Variants in GABRB2 observed in about 807,000 individuals in gnomAD.
GABRB2 encodes gamma-aminobutyric acid type A receptor subunit beta2.
A neutral mutation model predicts 54.7 loss-of-function variants in GABRB2; 16 were observed. The ratio of observed to expected loss-of-function variants is 0.29; its 90% confidence interval spans 0.20 to 0.44. GABRB2 has a LOEUF of 0.44. GABRB2 is among the 20% of genes least tolerant of loss of function. The probability of loss-of-function intolerance (pLI) is 1.00; values close to 1 mark genes in which losing one functional copy is unlikely to be tolerated. For synonymous variants in GABRB2, 244 were observed against 233.8 expected, an observed-to-expected ratio of 1.04 and a Z score of -0.40; for missense variants, 355 against 644.0, an observed-to-expected ratio of 0.55 and a Z score of 4.86.
intron 9 of GABRB2, among the ~76,000 whole-genome samples, chr5:161,300,827 T>C (rs898664012): frequency 1.3e-5 from 2 of 152,046 alleles, no homozygotes; most frequent in Non-Finnish European, 2.9e-5. Context: ...CGACTTCAAA[T>C]AAAGGAGTAG....
chr5:161,344,920 C>G (rs1754275581), intron 5 of GABRB2, among the ~76,000 whole-genome samples: 1 of 152,064 alleles, frequency 6.6e-6, no homozygotes, highest in South Asian at 2.1e-4. Context: ...TGGAAACCAT[C>G]ATTCTGAGCA....
chr5:161,440,876 A>G (rs1757450029), intron 4 of GABRB2, among the ~76,000 whole-genome samples: 1 of 152,180 alleles, frequency 6.6e-6, no homozygotes, highest in South Asian at 2.1e-4. Context: ...CGAAAATACA[A>G]TGTCTTCAAT....
At chr5:161,431,760 T>G (rs112135850) in intron 4 of GABRB2, among the ~76,000 whole-genome samples, 3,540 of 152,278 alleles carry the variant, frequency 0.023, 137 homozygotes, top group African/African-American at 0.081. Flanking sequence ...TTAGATTCAT[T>G]TGAAAATAAA....
chr5:161,415,239 T>C (rs1182864204), intron 4 of GABRB2, among the ~76,000 whole-genome samples: 1 of 152,226 alleles, frequency 6.6e-6, no homozygotes, highest in African/African-American at 2.4e-5. Context: ...GTGTCTTATT[T>C]ATCCGTAGTA....
At chr5:161,396,055 T>C (rs1369914980) in intron 5 of GABRB2, among the ~76,000 whole-genome samples, 3 of 152,156 alleles carry the variant, frequency 2.0e-5, no homozygotes, top group African/African-American at 7.2e-5. Flanking sequence ...TTTCTTTGAG[T>C]GGAAATTTTA....
intron 9 of GABRB2, among the ~76,000 whole-genome samples, chr5:161,316,591 CTCT>C (rs1236186082): frequency 2.6e-5 from 4 of 151,034 alleles, no homozygotes; most frequent in African/African-American, 4.9e-5. Flanking sequence ...TTGTTTCTCC[CTCT>C]TATTTATTCA....
At chr5:161,394,927 A>G (rs1755951024) in intron 5 of GABRB2, among the ~76,000 whole-genome samples, 1 of 152,270 alleles carries the variant, frequency 6.6e-6, no homozygotes, top group South Asian at 2.1e-4. Flanking sequence ...TTACAATCCA[A>G]TATCCTTCAT....
intron 5 of GABRB2, among the ~76,000 whole-genome samples, chr5:161,404,291 C>T (rs1756285605): frequency 6.6e-6 from 1 of 152,048 alleles, no homozygotes; most frequent in Admixed American, 6.6e-5. Context: ...CAAAATAGGA[C>T]AGTGATGCAA....
chr5:161,315,140 C>T (rs1757985415), intron 9 of GABRB2, among the ~76,000 whole-genome samples: 1 of 152,024 alleles, frequency 6.6e-6, no homozygotes, highest in Non-Finnish European at 1.5e-5. Flanking sequence ...AACCACATGG[C>T]ATTACATATA....
intron 5 of GABRB2, among the ~76,000 whole-genome samples, chr5:161,354,812 A>C (rs1201050916): frequency 6.6e-6 from 1 of 152,072 alleles, no homozygotes; most frequent in Non-Finnish European, 1.5e-5. Flanking sequence ...TAATGCAAAA[A>C]AATTACTTTT....
chr5:161,409,531 CA>C (rs1243014524), intron 5 of GABRB2, among the ~76,000 whole-genome samples: 1 of 152,078 alleles, frequency 6.6e-6, no homozygotes, highest in African/African-American at 2.4e-5. Flanking sequence ...GAAAGTCCTT[CA>C]CCTACCTACA....
intron 3 of GABRB2, among the ~76,000 whole-genome samples, chr5:161,463,901 G>A (rs967913641): frequency 7.3e-5 from 11 of 151,602 alleles, no homozygotes; most frequent in African/African-American, 2.2e-4. Context: ...AAATGGATAC[G>A]TAGATTAAAA....
chr5:161,354,957 A>G (rs1294960727), intron 5 of GABRB2, among the ~76,000 whole-genome samples: 1 of 151,894 alleles, frequency 6.6e-6, no homozygotes, highest in East Asian at 1.9e-4. Context: ...TTCTCTTTAA[A>G]CACAAAGAGC....
At chr5:161,297,882 A>G (rs1757428452) in intron 9 of GABRB2, among the ~76,000 whole-genome samples, 1 of 152,172 alleles carries the variant, frequency 6.6e-6, no homozygotes, top group African/African-American at 2.4e-5. Context: ...TGGTTGAACT[A>G]ATTTACACTC....
chr5:161,440,831 C>T (rs1214681083), intron 4 of GABRB2, among the ~76,000 whole-genome samples: 1 of 152,044 alleles, frequency 6.6e-6, no homozygotes, highest in Non-Finnish European at 1.5e-5. Flanking sequence ...TACAGTGAAC[C>T]CATTTTTGAC....
At chr5:161,361,279 T>C (rs1754802267) in intron 5 of GABRB2, among the ~76,000 whole-genome samples, 1 of 152,076 alleles carries the variant, frequency 6.6e-6, no homozygotes, top group South Asian at 2.1e-4. Context: ...AGAAATTATT[T>C]TATTATATTT....
intron 5 of GABRB2, among the ~76,000 whole-genome samples, chr5:161,363,693 C>A (rs927732982): frequency 1.3e-5 from 2 of 151,982 alleles, no homozygotes; most frequent in African/African-American, 2.4e-5. Flanking sequence ...CAGAGCAATG[C>A]CCTGCCTCAA....
chr5:161,438,622 G>A (rs112252720), intron 4 of GABRB2, among the ~76,000 whole-genome samples: 3,520 of 152,184 alleles, frequency 0.023, 124 homozygotes, highest in African/African-American at 0.071. Context: ...CAAAATAGCT[G>A]TGTTGAGGAA....
intron 3 of GABRB2, among the ~76,000 whole-genome samples, chr5:161,460,504 T>C (rs1487087748): frequency 2.6e-5 from 4 of 152,226 alleles, no homozygotes; most frequent in Non-Finnish European, 4.4e-5. Flanking sequence ...ACCTAATGAT[T>C]AATTTGTGCT....
Sources: gnomAD v4.1 joint callset for allele counts (sites outside exome capture counted in the v4.1 genomes callset) on GRCh38, gnomAD v4.1.1 for gene constraint, MANE v1.5 for transcripts, NCBI Gene and HGNC (gene_info 2026-07-23, HGNC 2026-07-21) for gene names.